The following IGSF10 variants were observed in gnomAD, a reference collection of about 807,000 sequenced individuals.
IGSF10 encodes immunoglobulin superfamily member 10.
In IGSF10, 126 loss-of-function variants were observed where a neutral mutation model predicts 128.2. The ratio of observed to expected loss-of-function variants is 0.98; its 90% CI spans 0.85 to 1.14. The LOEUF (loss-of-function observed/expected upper bound fraction) is 1.14, where lower values mean the gene tolerates loss of function less well. Ranked by LOEUF, IGSF10 falls within the 50% of genes most tolerant of loss-of-function variation. The probability of loss-of-function intolerance (pLI) is 0.00; values close to 1 mark genes in which losing one functional copy is unlikely to be tolerated. For synonymous variants in IGSF10, 1,185 were observed against 1,146.2 expected, an observed-to-expected ratio of 1.03 and a Z score of -0.68; for missense variants, 3,295 against 3,149.8, an observed-to-expected ratio of 1.05 and a Z score of -1.10.
At chr3:151,513,597 C>T in the IGSF10 span, among the ~76,000 whole-genome samples, 8 of 152,162 alleles carry the variant, frequency 5.3e-5, no homozygotes, top group Non-Finnish European at 1.0e-4. Context: ...TCCTATTCAA[C>T]ATAGTGTTGG....
chr3:151,545,635 C>A, the IGSF10 span, among the ~76,000 whole-genome samples: 1 of 152,222 alleles, frequency 6.6e-6, no homozygotes, highest in African/African-American at 2.4e-5. Context: ...CTTTAGCATT[C>A]CTGCACTTTG....
the IGSF10 span, among the ~76,000 whole-genome samples, chr3:151,588,424 C>T: frequency 1.3e-5 from 2 of 152,150 alleles, no homozygotes; most frequent in African/African-American, 4.8e-5. Context: ...TGTTTTCTGA[C>T]ATAGCTGATA....
chr3:151,577,579 A>C, the IGSF10 span, among the ~76,000 whole-genome samples: 7 of 152,300 alleles, frequency 4.6e-5, no homozygotes, highest in East Asian at 1.3e-3. Flanking sequence ...TACATATCAT[A>C]TTAAATGCAT....
chr3:151,443,750 G>C lies in IGSF10; in HGVS notation c.5197C>G (p.His1733Asp). 1 of 1,614,164 alleles carries C rather than the reference G, an allele frequency of 6.2e-7. No individual in the cohort carries two copies. Among genetic ancestry groups the C allele is most frequent in the Non-Finnish European group, 8.5e-7 (1 of 1,180,036 alleles). The change falls in exon 7 of 8, where the codon CAC becomes GAC. Residue 1733 changes from histidine (H) to aspartate (D), a missense_variant. Transcript: ENST00000282466. ...CSASNLFGTD[H>D]LHVTLSVVSY... is the part of the protein sequence containing the mutation. ...ACCACAGACAAGGTGACATGAAGGT[G>C]GTCTGTGCCAAACAGATTGGATGCG...
At position 151,458,683 on chromosome 3, in the gene IGSF10, G is replaced by A. The variant is rs2108578689; in HGVS notation, c.27C>T (p.Thr9=). Residue 9 remains threonine (T), a synonymous_variant, in exon 3 of 8, where the codon ACC becomes ACT. Transcript: ENST00000282466. ...TCACAGCAAAGGAGACCAGCAAGCAGGTGATTCCTCTGCCTTTTACCTTCA... is the reference window on the plus strand; with the variant it reads ...TCACAGCAAAGGAGACCAGCAAGCAAGTGATTCCTCTGCCTTTTACCTTCA... MKVKGRGI[T]CLLVSFAVIC... 3 of 1,613,602 alleles carry A rather than the reference G, an allele frequency of 1.9e-6. No individual in the cohort carries two copies. The highest frequency in any genetic ancestry group is 4.5e-5 in the East Asian group (2 of 44,892).
the IGSF10 span, among the ~76,000 whole-genome samples, chr3:151,533,272 G>A: frequency 5.3e-5 from 8 of 152,146 alleles, no homozygotes; most frequent in Admixed American, 5.2e-4. Context: ...TCCCCATCAA[G>A]CTACCACTGA....
chr3:151,582,140 T>C, the IGSF10 span, among the ~76,000 whole-genome samples: 2 of 152,094 alleles, frequency 1.3e-5, no homozygotes, highest in African/African-American at 4.8e-5. Flanking sequence ...AATATATTTC[T>C]AAACTGTAAA....
At chr3:151,543,499 G>A in the IGSF10 span, among the ~76,000 whole-genome samples, 1 of 152,084 alleles carries the variant, frequency 6.6e-6, no homozygotes, top group East Asian at 1.9e-4. Flanking sequence ...GCAGTGTTGT[G>A]CCATGCCGTG....
downstream of IGSF10, chr3:151,433,985 A>T (rs1719811194): frequency 1.3e-5 from 2 of 152,640 alleles, no homozygotes; most frequent in Non-Finnish European, 2.9e-5. Context: ...TTAGAGTAAA[A>T]AAGAAACCAG....
upstream of IGSF10, chr3:151,461,560 C>T (rs545627322): frequency 7.9e-5 from 32 of 407,612 alleles, no homozygotes; most frequent in Middle Eastern, 1.4e-3. Flanking sequence ...AACAACATAT[C>T]CATCATCTCA....
the IGSF10 span, among the ~76,000 whole-genome samples, chr3:151,505,850 C>T: frequency 3.4e-4 from 52 of 152,226 alleles, no homozygotes; most frequent in African/African-American, 1.2e-3. Flanking sequence ...AATCTTCTGG[C>T]TTAATTAGTG....
At chr3:151,584,761 T>C in the IGSF10 span, among the ~76,000 whole-genome samples, 1 of 152,152 alleles carries the variant, frequency 6.6e-6, no homozygotes, top group Non-Finnish European at 1.5e-5. Context: ...CAGCCATGTG[T>C]CAGTTATTCA....
At chr3:151,508,306 T>G in the IGSF10 span, among the ~76,000 whole-genome samples, 1 of 152,180 alleles carries the variant, frequency 6.6e-6, no homozygotes, top group Admixed American at 6.5e-5. Context: ...AAAGTTTTTA[T>G]GAGGTTTTAT....
the IGSF10 span, among the ~76,000 whole-genome samples, chr3:151,503,744 C>T: frequency 6.6e-6 from 1 of 152,146 alleles, no homozygotes; most frequent in African/African-American, 2.4e-5. Context: ...TTTTATTATT[C>T]AACTCAGTCT....
chr3:151,508,270 G>A, the IGSF10 span, among the ~76,000 whole-genome samples: 1 of 152,024 alleles, frequency 6.6e-6, no homozygotes, highest in African/African-American at 2.4e-5. Flanking sequence ...GAAAGTTATG[G>A]AAAACATAAA....
At chr3:151,597,296 G>T in the IGSF10 span, among the ~76,000 whole-genome samples, 2 of 152,174 alleles carry the variant, frequency 1.3e-5, no homozygotes, top group African/African-American at 2.4e-5. Flanking sequence ...TCACCCAAAT[G>T]TCTAATCATG....
the IGSF10 span, among the ~76,000 whole-genome samples, chr3:151,527,076 A>T: frequency 5.8e-4 from 88 of 152,212 alleles, 1 homozygote; most frequent in African/African-American, 1.7e-3. Flanking sequence ...GTAGAAAAAA[A>T]TTTTTTTCCC....
the IGSF10 span, among the ~76,000 whole-genome samples, chr3:151,502,868 G>A: frequency 2.0e-5 from 3 of 152,018 alleles, no homozygotes; most frequent in East Asian, 1.9e-4. Context: ...AGGTGCTTTC[G>A]TCTTGAGAGC....
At chr3:151,456,115 G>C (rs1360836896) in intron 4 of IGSF10, among the ~76,000 whole-genome samples, 4 of 152,102 alleles carry the variant, frequency 2.6e-5, no homozygotes, top group African/African-American at 7.2e-5. Flanking sequence ...TTCTATAAAG[G>C]ACATGCAATC....
Sources: gnomAD v4.1 joint callset for allele counts (sites outside exome capture counted in the v4.1 genomes callset) on GRCh38, gnomAD v4.1.1 for gene constraint, MANE v1.5 for transcripts, NCBI Gene and HGNC (gene_info 2026-07-23, HGNC 2026-07-21) for gene names.